ERP44: variants seen among roughly 807,000 people sequenced by gnomAD.
ERP44 encodes endoplasmic reticulum protein 44.
A neutral mutation model predicts 53.4 loss-of-function variants in ERP44; 25 were observed. The ratio of observed to expected loss-of-function variants is 0.47; its 90% CI spans 0.34 to 0.65. The LOEUF is 0.65. Among genes scored for constraint, ERP44 ranks in the 30% least tolerant of loss-of-function variants. The pLI is 0.01. For missense variants in ERP44, 338 were observed against 493.2 expected, an observed-to-expected ratio of 0.69 and a Z score of 2.98; for synonymous variants, 145 against 161.2, an observed-to-expected ratio of 0.90 and a Z score of 0.76.
At chr9:100,035,875 T>C (rs201837981) in intron 4 of ERP44, among the ~76,000 whole-genome samples, 1 of 152,048 alleles carries the variant, frequency 6.6e-6, no homozygotes, top group East Asian at 1.9e-4. Context: ...AGAATAGCTT[T>C]TGTTAAAAAG....
intron 1 of ERP44, among the ~76,000 whole-genome samples, chr9:100,069,256 C>T: frequency 6.6e-6 from 1 of 151,378 alleles, no homozygotes; most frequent in African/African-American, 2.4e-5. Flanking sequence ...TGCCAAATCC[C>T]CCTCTGCGAG....
chr9:100,092,818 G>A (rs1826575417), intron 1 of ERP44, among the ~76,000 whole-genome samples: 1 of 152,160 alleles, frequency 6.6e-6, no homozygotes, highest in African/African-American at 2.4e-5. Flanking sequence ...TTTTGGTCTA[G>A]TAAATTGGCA....
intron 4 of ERP44, among the ~76,000 whole-genome samples, chr9:100,028,677 A>G (rs73656930): frequency 0.013 from 1,919 of 152,322 alleles, 32 homozygotes; most frequent in African/African-American, 0.044. Flanking sequence ...GAAAAAATAA[A>G]CTCTGAGGTT....
intron 10 of ERP44, among the ~76,000 whole-genome samples, chr9:99,990,336 C>T (rs1391500548): frequency 2.0e-5 from 3 of 152,170 alleles, no homozygotes; most frequent in Non-Finnish European, 4.4e-5. Flanking sequence ...CTCTGCAAGC[C>T]AGAAGAGAGT....
chr9:100,043,378 G>A (rs182669558), intron 4 of ERP44, among the ~76,000 whole-genome samples: 176 of 146,952 alleles, frequency 1.2e-3, no homozygotes, highest in African/African-American at 4.0e-3. Flanking sequence ...AACTTAAACC[G>A]TATGATTCGA....
intron 4 of ERP44, among the ~76,000 whole-genome samples, chr9:100,043,174 G>T (rs1211502619): frequency 1.4e-5 from 2 of 142,402 alleles, no homozygotes; most frequent in Non-Finnish European, 3.0e-5. Flanking sequence ...CAGGAGAATG[G>T]CCTGAACCTA....
At chr9:99,997,408 T>TTTC (rs149697340) in intron 10 of ERP44, among the ~76,000 whole-genome samples, 2 of 151,614 alleles carry the variant, frequency 1.3e-5, no homozygotes, top group African/African-American at 4.8e-5. Flanking sequence ...TTTAGCATTT[T>TTTC]TTTAACAAAA....
At chr9:100,038,682 T>C (rs1342273917) in intron 4 of ERP44, among the ~76,000 whole-genome samples, 1 of 151,780 alleles carries the variant, frequency 6.6e-6, no homozygotes, top group African/African-American at 2.4e-5. Context: ...ACTAAACTCT[T>C]CAATCAAAAG....
At chr9:100,001,255 G>A (rs183274899) in intron 10 of ERP44, among the ~76,000 whole-genome samples, 7 of 152,134 alleles carry the variant, frequency 4.6e-5, no homozygotes, top group Admixed American at 4.6e-4. Flanking sequence ...CTTGTTTGTG[G>A]CCTAACATAT....
intron 3 of ERP44, among the ~76,000 whole-genome samples, chr9:100,052,809 T>C (rs957332318): frequency 7.9e-5 from 12 of 152,216 alleles, no homozygotes; most frequent in African/African-American, 2.7e-4. Context: ...TAAGGATCTC[T>C]TGCAGAGGTC....
At chr9:100,044,456 C>T (rs1013888757) in intron 4 of ERP44, among the ~76,000 whole-genome samples, 18 of 151,002 alleles carry the variant, frequency 1.2e-4, no homozygotes, top group Admixed American at 2.6e-4. Flanking sequence ...ACATATTAAA[C>T]GAAATTCTTA....
chr9:100,047,683 T>C (rs149718296), intron 4 of ERP44, among the ~76,000 whole-genome samples: 20 of 152,298 alleles, frequency 1.3e-4, no homozygotes, highest in African/African-American at 4.6e-4. Flanking sequence ...CAATTATATC[T>C]TGGATATAAC....
At chr9:100,017,325 C>A (rs867317487) in intron 7 of ERP44, among the ~76,000 whole-genome samples, 146 of 152,180 alleles carry the variant, frequency 9.6e-4, no homozygotes, top group African/African-American at 3.3e-3. Context: ...CGCGGGGAAG[C>A]GAAGAAACTT....
At chr9:100,084,915 C>T (rs1455334177) in intron 1 of ERP44, among the ~76,000 whole-genome samples, 1 of 152,118 alleles carries the variant, frequency 6.6e-6, no homozygotes, top group African/African-American at 2.4e-5. Flanking sequence ...AAGGCATCAA[C>T]CACAAAAAGC....
intron 4 of ERP44, among the ~76,000 whole-genome samples, chr9:100,025,289 G>A (rs1486519212): frequency 6.6e-6 from 1 of 151,906 alleles, no homozygotes; most frequent in African/African-American, 2.4e-5. Flanking sequence ...TGAGGTCAAC[G>A]TAATCTTCAC....
At chr9:100,067,379 G>A (rs1826225551) in intron 1 of ERP44, among the ~76,000 whole-genome samples, 1 of 152,218 alleles carries the variant, frequency 6.6e-6, no homozygotes, top group African/African-American at 2.4e-5. Flanking sequence ...TTTTGGTGGA[G>A]ACGGGGTTTC....
intron 1 of ERP44, among the ~76,000 whole-genome samples, chr9:100,098,174 T>C (rs1171731093): frequency 6.6e-6 from 1 of 152,176 alleles, no homozygotes; most frequent in Non-Finnish European, 1.5e-5. Context: ...TCTGCTTCCA[T>C]GGGGAAATAC....
Position 100,096,435 on chromosome 9 carries a change from C to T in ERP44, c.57+2349G>A, listed in dbSNP as rs181630611. Among the ~76,000 whole-genome samples the T allele has an allele frequency of 1.3e-3, 201 of 151,718 alleles. 1 individual carries two copies. The highest frequency in any genetic ancestry group is 4.6e-3 in the African/African-American group (191 of 41,440). Reference sequence around the variant, plus strand: ...AAAGATATATATACATATAAAAGCTCAGGAAAAAAAGTTATCACATTGAGC... The same window carrying T: ...AAAGATATATATACATATAAAAGCTTAGGAAAAAAAGTTATCACATTGAGC... On this transcript the variant is annotated intron_variant, in intron 1 of 11. Coordinates refer to ENST00000262455, the MANE Select transcript of ERP44 (RefSeq NM_015051.3).
intron 10 of ERP44, among the ~76,000 whole-genome samples, chr9:99,987,309 C>T (rs2118600287): frequency 6.6e-6 from 1 of 152,306 alleles, no homozygotes; most frequent in East Asian, 1.9e-4. Flanking sequence ...ACGTGGTAAT[C>T]TCCTAAACAG....
Sources: allele counts gnomAD v4.1 joint callset (sites outside exome capture counted in the v4.1 genomes callset), GRCh38; gene constraint gnomAD v4.1.1; transcripts MANE v1.5; gene names NCBI Gene and HGNC (gene_info 2026-07-23, HGNC 2026-07-21).